The following AKAP12 variants were observed in gnomAD, a reference collection of about 807,000 sequenced individuals.
AKAP12 encodes A-kinase anchor protein 12.
Under a neutral mutation model 79.9 loss-of-function variants are expected in AKAP12, and 32 were observed. The observed-to-expected ratio is 0.40, with a 90% CI of 0.30 to 0.54. The LOEUF is 0.54. AKAP12 is among the 20% of genes least tolerant of loss of function. AKAP12 has a pLI of 0.48. For synonymous variants in AKAP12, 808 were observed against 857.0 expected (o/e 0.94, Z 1.00); for missense variants, 2,074 against 2,177.0 (o/e 0.95, Z 0.94).
chr6:151,282,435 A>G (rs1475369986), intron 2 of AKAP12, among the ~76,000 whole-genome samples: 1 of 152,118 alleles, frequency 6.6e-6, no homozygotes, highest in African/African-American at 2.4e-5. Flanking sequence ...AGGGACCTCC[A>G]GCTCACGCAT....
rs1443599388 is a variant in AKAP12, at chr6:151,345,216, C to T, written c.320-3495C>T. Among the ~76,000 whole-genome samples, 7 of 151,740 alleles carry T rather than the reference C, an allele frequency of 4.6e-5. No individual in the cohort carries two copies. The East Asian group carries it at 1.2e-3, about 26-fold the overall frequency. On this transcript the variant is annotated intron_variant, in intron 3 of 4. Coordinates refer to ENST00000402676, the MANE Select transcript of AKAP12 (RefSeq NM_005100.4). ...TCAGTCTCCTGAGTAGCTGGGATTACAGGCGCCTGCCACCACGCCTGGCTA... is the reference window on the plus strand; with the variant it reads ...TCAGTCTCCTGAGTAGCTGGGATTATAGGCGCCTGCCACCACGCCTGGCTA...
At chr6:151,278,946 C>T (rs1382290852) in intron 2 of AKAP12, among the ~76,000 whole-genome samples, 1 of 152,238 alleles carries the variant, frequency 6.6e-6, no homozygotes, top group Non-Finnish European at 1.5e-5. Flanking sequence ...GGATTACAGG[C>T]ATGAGCCACC....
intron 2 of AKAP12, among the ~76,000 whole-genome samples, chr6:151,266,236 C>T (rs1324959704): frequency 6.6e-6 from 1 of 152,210 alleles, no homozygotes; most frequent in African/African-American, 2.4e-5. Flanking sequence ...GGATAGATAG[C>T]TGATGCTGGA....
chr6:151,242,513 T>G (rs1049636734), intron 2 of AKAP12, among the ~76,000 whole-genome samples: 1 of 152,232 alleles, frequency 6.6e-6, no homozygotes, highest in Non-Finnish European at 1.5e-5. Context: ...TGCACTTACA[T>G]GTATCCTTGG....
rs981228513 is a variant in AKAP12 at position 151,297,217 on chromosome 6, G to A, written c.163-8530G>A. Among the ~76,000 whole-genome samples, 3 of 134,780 alleles carry A rather than the reference G, an allele frequency of 2.2e-5. No individual in the cohort carries two copies. The East Asian group carries it at 6.0e-4, about 27-fold the overall frequency. The allele number at this position is 134,780 out of a possible 152,430, so 88.4% of individuals were successfully genotyped here. ...GTGTATGTGTATGTGTGTGTGTGTT[G>A]TGGGGGCAGGATCACTTGCCCTCGC... On this transcript the variant is annotated intron_variant, in intron 2 of 4. Transcript: ENST00000402676.
At chr6:151,341,624 G>T (rs1261262302) in intron 3 of AKAP12, 1 of 954,162 alleles carries the variant, frequency 1.0e-6, no homozygotes, top group Non-Finnish European at 1.3e-6. Context: ...CCTCACGGGC[G>T]GCTGTTGGGC....
Position 151,350,354 on chromosome 6 carries a change from G to A in AKAP12, c.1963G>A (p.Glu655Lys), listed in dbSNP as rs749002583. ...CGAGAGCACAGCCTCTGAAATGCAA[G>A]AAGAAATGAAAGGGAGCGTGGAAGA... ...STESTASEMQ[E>K]EMKGSVEEPK... is the part of the protein sequence containing the mutation. Residue 655 changes from glutamate (E) to lysine (K), a missense_variant, in exon 4 of 5, where the codon GAA becomes AAA. Glu to Lys is a moderately conservative substitution (Grantham distance 56). Around this residue, in one of 3 missense-constraint regions of AKAP12, gnomAD observed 1,428 missense variants for 1,451.0 expected, o/e 0.98. Coordinates refer to ENST00000402676, the MANE Select transcript of AKAP12 (RefSeq NM_005100.4). This position sits in a 1 kb window ranked among gnomAD's most constrained non-coding sequence, Gnocchi z 4.8. 4 of 1,613,902 alleles carry A rather than the reference G, an allele frequency of 2.5e-6. No homozygotes were observed. The highest frequency in any genetic ancestry group is 3.4e-6 in the Non-Finnish European group (4 of 1,179,998).
chr6:151,300,339 C>A lies in AKAP12; in HGVS notation c.163-5408C>A, dbSNP rs148641125. The stretch of plus-strand genomic sequence containing the variant: ...CTGCCCGGGGTGGGACGAATTGCCC[C>A]TTTGGAGCCTCGTCTACTGTGTGAA... On this transcript the variant is annotated intron_variant, in intron 2 of 4. Transcript: ENST00000402676. 2.1e-4 allele frequency among the ~76,000 whole-genome samples: 32 copies of A among 152,278 alleles called. No individual in the cohort carries two copies. In the East Asian group the frequency reaches 5.2e-3, roughly 25 times the overall value.
chr6:151,297,191 G>GGTGTGT (rs1406150784), intron 2 of AKAP12, among the ~76,000 whole-genome samples: 1 of 150,250 alleles, frequency 6.7e-6, no homozygotes, highest in Admixed American at 6.7e-5. Flanking sequence ...CACAACTCTG[G>GGTGTGT]GTGTATGTGT....
At chr6:151,268,945 G>GTTTTTTTTTTTT (rs558502756) in intron 2 of AKAP12, among the ~76,000 whole-genome samples, 1 of 77,434 alleles carries the variant, frequency 1.3e-5, no homozygotes. Flanking sequence ...TGCTCGGCCT[G>GTTTTTTTTTTTT]TTTTTTTTTT....
At chr6:151,310,472 G>A (rs532948459) in intron 3 of AKAP12, among the ~76,000 whole-genome samples, 54 of 152,122 alleles carry the variant, frequency 3.5e-4, no homozygotes, top group Admixed American at 2.4e-3. Flanking sequence ...GGCTGGGGGC[G>A]GTGGCTCACG....
intron 2 of AKAP12, among the ~76,000 whole-genome samples, chr6:151,284,577 A>G (rs1433900098): frequency 6.6e-6 from 1 of 152,150 alleles, no homozygotes; most frequent in Non-Finnish European, 1.5e-5. Context: ...GCAGTGAGCC[A>G]TAACTGAGCT....
intron 2 of AKAP12, among the ~76,000 whole-genome samples, chr6:151,265,161 A>G (rs1246760333): frequency 6.6e-6 from 1 of 152,138 alleles, no homozygotes; most frequent in Non-Finnish European, 1.5e-5. Flanking sequence ...AAAAAAAAAA[A>G]AAAAGTTTAT....
intron 2 of AKAP12, among the ~76,000 whole-genome samples, chr6:151,284,522 G>A (rs572469597): frequency 3.9e-5 from 6 of 152,286 alleles, no homozygotes; most frequent in East Asian, 1.9e-4. Context: ...CAGCTACTTG[G>A]GGGGCTGAGG....
intron 3 of AKAP12, among the ~76,000 whole-genome samples, chr6:151,307,274 C>T (rs1222607544): frequency 6.6e-6 from 1 of 152,178 alleles, no homozygotes; most frequent in Non-Finnish European, 1.5e-5. Flanking sequence ...TGATATTGTT[C>T]CCAAGATGCA....
At chr6:151,272,277 T>C (rs1383972941) in intron 2 of AKAP12, among the ~76,000 whole-genome samples, 1 of 148,378 alleles carries the variant, frequency 6.7e-6, no homozygotes, top group African/African-American at 2.5e-5. Context: ...CCAAGGAGTT[T>C]GAAGCTGCAG....
chr6:151,255,793 A>G (rs570630307), intron 2 of AKAP12, among the ~76,000 whole-genome samples: 45 of 152,308 alleles, frequency 3.0e-4, no homozygotes, highest in African/African-American at 9.6e-4. Context: ...AAACAAAACA[A>G]AAAAATTATT....
intron 3 of AKAP12, among the ~76,000 whole-genome samples, chr6:151,310,462 G>T (rs1777069994): frequency 6.6e-6 from 1 of 152,184 alleles, no homozygotes; most frequent in Non-Finnish European, 1.5e-5. Flanking sequence ...AAGTTTTGCA[G>T]GCTGGGGGCG....
chr6:151,311,404 G>A (rs1777095698), intron 3 of AKAP12, among the ~76,000 whole-genome samples: 2 of 152,210 alleles, frequency 1.3e-5, no homozygotes, highest in East Asian at 1.9e-4. Context: ...AAAACTGTCA[G>A]CCAGTGACCA....
Sources: gnomAD v4.1 joint callset for allele counts (sites outside exome capture counted in the v4.1 genomes callset) on GRCh38, gnomAD v4.1.1 for gene constraint, gnomAD v4.1.1 regional missense constraint, Gnocchi (gnomAD v3.1) non-coding constraint, MANE v1.5 for transcripts, NCBI Gene and HGNC (gene_info 2026-07-23, HGNC 2026-07-21) for gene names.